The following VPS13B variants were observed in gnomAD, a reference collection of about 807,000 sequenced individuals.
The protein encoded by VPS13B is intermembrane lipid transfer protein VPS13B.
A neutral mutation model predicts 426.4 loss-of-function variants in VPS13B; 285 were observed. The observed-to-expected ratio is 0.67, with a 90% CI of 0.61 to 0.74. The LOEUF is 0.74. VPS13B is among the 30% of genes least tolerant of loss of function. VPS13B has a pLI of 0.00. For missense variants in VPS13B, 4,537 were observed against 4,782.6 expected, an observed-to-expected ratio of 0.95 and a Z score of 1.51; for synonymous variants, 1,676 against 1,676.4, an observed-to-expected ratio of 1.00 and a Z score of 0.01.
intron 25 of VPS13B, among the ~76,000 whole-genome samples, chr8:99,490,779 G>T (rs541274966): frequency 4.6e-5 from 7 of 152,036 alleles, no homozygotes; most frequent in Non-Finnish European, 5.9e-5. Context: ...GTGTCTATTT[G>T]ATTCTTCTCT....
chr8:99,692,881 G>T (rs1831749540), intron 35 of VPS13B, among the ~76,000 whole-genome samples: 1 of 147,582 alleles, frequency 6.8e-6, no homozygotes, highest in African/African-American at 2.5e-5. Context: ...CGATCCCACA[G>T]AAATACAAAC....
chr8:99,404,024 A>G (rs1815195830), intron 21 of VPS13B, among the ~76,000 whole-genome samples: 1 of 152,148 alleles, frequency 6.6e-6, no homozygotes, highest in Non-Finnish European at 1.5e-5. Context: ...GAATTACGAT[A>G]TGTTTTTGTT....
chr8:99,201,834 A>G (rs1012202648), intron 17 of VPS13B, among the ~76,000 whole-genome samples: 4 of 152,210 alleles, frequency 2.6e-5, no homozygotes, highest in African/African-American at 7.2e-5. Context: ...ATTGACACTT[A>G]GGAAAGATCA....
intron 25 of VPS13B, among the ~76,000 whole-genome samples, chr8:99,490,744 G>T (rs1049347523): frequency 1.3e-5 from 2 of 152,066 alleles, no homozygotes; most frequent in Non-Finnish European, 2.9e-5. Flanking sequence ...GATCGGTGGT[G>T]ATATCCCCTT....
intron 21 of VPS13B, among the ~76,000 whole-genome samples, chr8:99,428,680 G>A (rs1034581031): frequency 2.6e-5 from 4 of 152,158 alleles, no homozygotes; most frequent in African/African-American, 9.6e-5. Context: ...TACACTGTTG[G>A]TGGGAGTGTA....
At chr8:99,023,193 C>G (rs1200601482) in intron 2 of VPS13B, among the ~76,000 whole-genome samples, 1 of 151,670 alleles carries the variant, frequency 6.6e-6, no homozygotes, top group Non-Finnish European at 1.5e-5. Flanking sequence ...CCCTTCCCAG[C>G]CTGTGGTCCA....
In VPS13B at chr8:99,396,473, G is replaced by A. The variant is rs1169455597; in HGVS notation, c.3082+4769G>A. 2.0e-5 allele frequency among the ~76,000 whole-genome samples: 3 copies of A among 152,234 alleles called. No individual in the cohort carries two copies. The Middle Eastern group carries it at 0.01, about 518-fold the overall frequency. On this transcript the variant is annotated intron_variant, in intron 21 of 61. Coordinates refer to ENST00000357162, the MANE Select transcript of VPS13B (RefSeq NM_152564.5). The stretch of plus-strand genomic sequence containing the variant: ...TAAAAATTGAAACTGCCAGAGTATA[G>A]GCACTTTGCGATTATTTCCTTCTTC...
chr8:99,661,440 A>T lies in VPS13B; in HGVS notation c.5995A>T (p.Ile1999Phe). 2 of 1,613,734 alleles carry T rather than the reference A, an allele frequency of 1.2e-6. No homozygotes were observed. The highest frequency in any genetic ancestry group is 2.2e-5 in the South Asian group (2 of 91,084). ...TGGAGAAATAGACAGCAAAAGTGGT[A>T]TTCCACCTTCCTTTATAACACTACA... Reference protein sequence around the residue: ...VPGEIDSKSGIPPSFITLQIK... With the variant: ...VPGEIDSKSGFPPSFITLQIK... Residue 1999 changes from isoleucine (I) to phenylalanine (F), a missense_variant, in exon 35 of 62, where the codon ATT (isoleucine) becomes TTT (phenylalanine). Transcript: ENST00000357162.
intron 19 of VPS13B, among the ~76,000 whole-genome samples, chr8:99,301,834 C>T (rs1008466985): frequency 1.3e-5 from 2 of 151,300 alleles, no homozygotes; most frequent in African/African-American, 4.9e-5. Context: ...ATTATGTTGC[C>T]CAACCTGGTC....
At chr8:99,258,316 T>A (rs564953052) in intron 17 of VPS13B, among the ~76,000 whole-genome samples, 26 of 152,054 alleles carry the variant, frequency 1.7e-4, no homozygotes, top group African/African-American at 5.8e-4. Flanking sequence ...GCCTTTTTTT[T>A]AAGTTTATGT....
chr8:99,118,563 C>T (rs759280724), intron 7 of VPS13B, among the ~76,000 whole-genome samples: 9 of 152,174 alleles, frequency 5.9e-5, no homozygotes, highest in Middle Eastern at 3.4e-3. Context: ...TGCCTCCCCG[C>T]GAGAAAACAC....
intron 5 of VPS13B, among the ~76,000 whole-genome samples, chr8:99,104,065 C>T (rs527458493): frequency 3.3e-5 from 5 of 152,220 alleles, no homozygotes; most frequent in South Asian, 4.1e-4. Context: ...GCATCTTAGG[C>T]GATTTTGTTG....
intron 16 of VPS13B, among the ~76,000 whole-genome samples, chr8:99,191,376 CTTTTTTTT>C (rs35215814): frequency 7.1e-5 from 5 of 70,922 alleles, no homozygotes; most frequent in African/African-American, 2.3e-4. Flanking sequence ...CTCTCTCTCT[CTTTTTTTT>C]TTTTTTTTTT....
At chr8:99,822,092 T>A (rs896844667) in intron 50 of VPS13B, among the ~76,000 whole-genome samples, 5 of 152,228 alleles carry the variant, frequency 3.3e-5, no homozygotes, top group African/African-American at 1.2e-4. Flanking sequence ...CTGAATAATA[T>A]AACTAATCAC....
intron 7 of VPS13B, 125 bp downstream of exon 7, chr8:99,115,999 T>G: frequency 1.0e-6 from 1 of 997,986 alleles, no homozygotes; most frequent in Non-Finnish European, 1.5e-6. Flanking sequence ...GGCTGATTGT[T>G]TTTTGGTTGT....
In VPS13B at chr8:99,175,448, A is replaced by G. The variant is rs1812577192; in HGVS notation, c.2333+5285A>G. Among the ~76,000 whole-genome samples the G allele has an allele frequency of 2.6e-5, 4 of 152,238 alleles. No individual in the cohort carries two copies. The South Asian group carries it at 8.3e-4, about 31-fold the overall frequency. ...AATTTATGTGGATTTTGTCTATTTT[A>G]TCATTTACTACCATGCAATATACAA... is the stretch of plus-strand genomic sequence containing the variant. On this transcript the variant is annotated intron_variant, in intron 16 of 61. Transcript: ENST00000357162.
chr8:99,731,438 C>A (rs1380697085), intron 39 of VPS13B, among the ~76,000 whole-genome samples: 4 of 152,152 alleles, frequency 2.6e-5, no homozygotes, highest in African/African-American at 9.7e-5. Context: ...GGATTCAAAT[C>A]TCAGTTTGTC....
Position 99,497,758 on chromosome 8 carries a change from AT to A in VPS13B, c.3871-3927del, listed in dbSNP as rs1329265530. 2.0e-5 allele frequency among the ~76,000 whole-genome samples: 3 copies of A among 152,238 alleles called. No homozygotes were observed. The East Asian group carries it at 5.8e-4, about 29-fold the overall frequency. On this transcript the variant is annotated intron_variant, in intron 25 of 61. Transcript: ENST00000357162. Reference sequence around the variant, plus strand: ...CCTATGCAGTAATCTACCTCAAATTATTATGCAAACAACCGTTTAGATAGTA... The same window carrying A: ...CCTATGCAGTAATCTACCTCAAATTATATGCAAACAACCGTTTAGATAGTA...
chr8:99,496,809 A>T (rs1820913376), intron 25 of VPS13B, among the ~76,000 whole-genome samples: 1 of 152,116 alleles, frequency 6.6e-6, no homozygotes, highest in South Asian at 2.1e-4. Context: ...ACATAAAATC[A>T]TATTTTGGAT....
Sources: allele counts gnomAD v4.1 joint callset (sites outside exome capture counted in the v4.1 genomes callset), GRCh38; gene constraint gnomAD v4.1.1; transcripts MANE v1.5; gene names NCBI Gene and HGNC (gene_info 2026-07-23, HGNC 2026-07-21).